PRKCZ: variants seen among roughly 807,000 people sequenced by gnomAD.
The protein encoded by PRKCZ is protein kinase C zeta type.
PRKCZ carries 33 observed loss-of-function variants against 79.5 expected under a neutral mutation model. That is an observed-to-expected ratio of 0.41 (90% CI 0.31 to 0.55). The LOEUF (loss-of-function observed/expected upper bound fraction) is 0.55, where lower values mean the gene tolerates loss of function less well. PRKCZ is among the 20% of genes least tolerant of loss of function. PRKCZ has a pLI of 0.19. For missense variants in PRKCZ, 578 were observed against 813.5 expected (o/e 0.71, Z 3.52); for synonymous variants, 342 against 320.9 (o/e 1.07, Z -0.70).
intron 4 of PRKCZ, among the ~76,000 whole-genome samples, chr1:2,065,915 A>C (rs944659225): frequency 6.6e-6 from 1 of 151,996 alleles, no homozygotes; most frequent in Non-Finnish European, 1.5e-5. Flanking sequence ...TGAGACGATC[A>C]TGTGTTTTTT....
chr1:2,105,157 C>G (rs1358568958), intron 4 of PRKCZ, among the ~76,000 whole-genome samples: 2 of 152,212 alleles, frequency 1.3e-5, no homozygotes, highest in Admixed American at 6.5e-5. Context: ...CACTGCGTCA[C>G]GGCCATGCTG....
intron 7 of PRKCZ, among the ~76,000 whole-genome samples, chr1:2,147,640 TATCC>T (rs762190202): frequency 1.3e-5 from 2 of 150,790 alleles, no homozygotes; most frequent in African/African-American, 4.9e-5. Context: ...CCTCTCCATC[TATCC>T]ATCCATCTAT....
rs552921516 is a variant in PRKCZ at position 2,171,819 on chromosome 1, C to T, written c.1062-236C>T. Among the ~76,000 whole-genome samples, 51 of 152,316 alleles carry T rather than the reference C, an allele frequency of 3.3e-4. No homozygotes were observed. In the South Asian group the frequency reaches 7.3e-3, roughly 22 times the overall value. ...CCTCCCCTTGTGGAGGCTGCCACAT[C>T]GTTCTCTGTGTCTTTGACAGCAGGC... On this transcript the variant is annotated intron_variant, in intron 11 of 17. Transcript: ENST00000378567.
chr1:2,096,133 C>A (rs919366816), intron 4 of PRKCZ, among the ~76,000 whole-genome samples: 6 of 151,624 alleles, frequency 4.0e-5, no homozygotes, highest in Admixed American at 3.3e-4. Context: ...CAGATGGGGA[C>A]CTCGGCTGCC....
chr1:2,058,682 G>C (rs1660406629), intron 3 of PRKCZ, among the ~76,000 whole-genome samples: 1 of 151,748 alleles, frequency 6.6e-6, no homozygotes, highest in Non-Finnish European at 1.5e-5. Flanking sequence ...GATCACTTGA[G>C]GTCAGGAGTT....
At position 2,080,927 on chromosome 1, in the gene PRKCZ, C is replaced by T. The variant is rs28472344; in HGVS notation, c.334+21336C>T. On this transcript the variant is annotated intron_variant, in intron 4 of 17. Transcript: ENST00000378567. Reference sequence around the variant, plus strand: ...TTGCCTCATGTTTTTCTCATAAGGACTGGGGCCTTGTGTTTTGGGAGGAGG... The same window carrying T: ...TTGCCTCATGTTTTTCTCATAAGGATTGGGGCCTTGTGTTTTGGGAGGAGG... Among the ~76,000 whole-genome samples the T allele has an allele frequency of 6.3e-3, 961 of 152,228 alleles. 18 individuals carry two copies. The highest frequency in any genetic ancestry group is 0.022 in the African/African-American group (906 of 41,528).
In PRKCZ at chr1:2,050,915, T is replaced by G. The variant is rs551733796; in HGVS notation, c.71+214T>G. 17 of 370,668 alleles carry G rather than the reference T, an allele frequency of 4.6e-5. No individual in the cohort carries two copies. The East Asian group carries it at 6.6e-4, about 14-fold the overall frequency. The allele number at this position is 370,668 out of a possible 1,614,324, so 23.0% of individuals were successfully genotyped here. A position where few individuals can be genotyped will look rare whatever the true frequency, so the allele number is the denominator to read the frequency against. ...CGGGCTCCTTCCCCGGGACCGGGTT[T>G]CCCTGGGGTCGGCCCCGCGCCGCGA... On this transcript the variant is annotated intron_variant, in intron 1 of 17. Coordinates refer to ENST00000378567, the MANE Select transcript of PRKCZ (RefSeq NM_002744.6).
intron 9 of PRKCZ, 88 bp from the exon 10 acceptor site, chr1:2,155,907 A>G: frequency 8.8e-7 from 1 of 1,135,096 alleles, no homozygotes; most frequent in Admixed American, 1.7e-5. Context: ...AGCGGAGGAA[A>G]GAGACTCCTC....
rs530302012 is a variant in PRKCZ at position 2,130,244 on chromosome 1, C to T, written c.335-5018C>T. 5.7e-4 allele frequency among the ~76,000 whole-genome samples: 87 copies of T among 152,308 alleles called. 2 individuals are homozygous for T. The highest frequency in any genetic ancestry group is 2.0e-3 in the African/African-American group (83 of 41,562). On this transcript the variant is annotated intron_variant, in intron 4 of 17. Transcript: ENST00000378567. The stretch of plus-strand genomic sequence containing the variant: ...GTTAAGTACAGGCTGCCCTGCTGTC[C>T]GTTATCCCTTATAACTCACCTGGTC...
At chr1:2,134,597 T>C (rs1004596891) in intron 4 of PRKCZ, among the ~76,000 whole-genome samples, 3 of 94,624 alleles carry the variant, frequency 3.2e-5, no homozygotes, top group Non-Finnish European at 4.9e-5. Context: ...ATGCATGTTA[T>C]AAAGATGATG....
At chr1:2,175,386 C>A (rs1685256011) in intron 16 of PRKCZ, 73 bp downstream of exon 16, 6 of 1,225,774 alleles carry the variant, frequency 4.9e-6, no homozygotes, top group Non-Finnish European at 6.7e-6. Context: ...CCCATCCCAA[C>A]CCCAACCCCA....
At chr1:2,110,474 G>A (rs1002671659) in intron 4 of PRKCZ, among the ~76,000 whole-genome samples, 5 of 152,020 alleles carry the variant, frequency 3.3e-5, no homozygotes, top group African/African-American at 1.2e-4. Context: ...GGGAAACAGA[G>A]ACTCCTCTGG....
At position 2,086,395 on chromosome 1, in the gene PRKCZ, C is replaced by T. The variant is rs184038056; in HGVS notation, c.334+26804C>T. Among the ~76,000 whole-genome samples, 6 of 152,224 alleles carry T rather than the reference C, an allele frequency of 3.9e-5. No individual in the cohort carries two copies. In the East Asian group the frequency reaches 1.2e-3, roughly 29 times the overall value. ...TGCTGGAATTACAGATGTGAGCCTC[C>T]GCACCTGGCCTGGAATCATCGATTT... On this transcript the variant is annotated intron_variant, in intron 4 of 17. Transcript: ENST00000378567.
At chr1:2,110,312 C>G (rs186570614) in intron 4 of PRKCZ, among the ~76,000 whole-genome samples, 176 of 152,334 alleles carry the variant, frequency 1.2e-3, no homozygotes, top group Non-Finnish European at 2.2e-3. Context: ...GAATCTGCCT[C>G]CAGCGGGGGC....
At chr1:2,087,449 G>A (rs755923213) in intron 4 of PRKCZ, among the ~76,000 whole-genome samples, 2 of 152,146 alleles carry the variant, frequency 1.3e-5, no homozygotes, top group Non-Finnish European at 2.9e-5. Context: ...GCAACAGCTG[G>A]CAGTGCAGCC....
At chr1:2,053,288 A>G (rs1006334191) in intron 1 of PRKCZ, among the ~76,000 whole-genome samples, 3 of 151,996 alleles carry the variant, frequency 2.0e-5, no homozygotes, top group African/African-American at 7.3e-5. Flanking sequence ...TTTAGTAGAG[A>G]TGAGGTTTCA....
chr1:2,164,559 G>A (rs1682962472), intron 10 of PRKCZ, among the ~76,000 whole-genome samples: 1 of 152,208 alleles, frequency 6.6e-6, no homozygotes, highest in Admixed American at 6.5e-5. Context: ...AACTGTCAGG[G>A]CGACAGCCCT....
At chr1:2,124,943 C>T (rs542964085) in intron 4 of PRKCZ, among the ~76,000 whole-genome samples, 2 of 152,328 alleles carry the variant, frequency 1.3e-5, no homozygotes, top group East Asian at 1.9e-4. Flanking sequence ...CGTGGCGTCC[C>T]TGGCCACATC....
intron 4 of PRKCZ, among the ~76,000 whole-genome samples, chr1:2,102,233 G>A (rs971193020): frequency 1.3e-5 from 2 of 152,106 alleles, no homozygotes; most frequent in African/African-American, 4.8e-5. Flanking sequence ...GCCCAGGATG[G>A]ATGGGTGGGT....
Sources: allele counts gnomAD v4.1 joint callset (sites outside exome capture counted in the v4.1 genomes callset), GRCh38; gene constraint gnomAD v4.1.1; transcripts MANE v1.5; gene names NCBI Gene and HGNC (gene_info 2026-07-23, HGNC 2026-07-21).